PLOD1: variants seen among roughly 807,000 people sequenced by gnomAD.
PLOD1 encodes procollagen-lysine,2-oxoglutarate 5-dioxygenase 1.
In PLOD1, 70 loss-of-function variants were observed where a neutral mutation model predicts 94.7. The ratio of observed to expected loss-of-function variants is 0.74; its 90% CI spans 0.61 to 0.90. The LOEUF (loss-of-function observed/expected upper bound fraction) is 0.90. PLOD1 is among the 40% of genes least tolerant of loss of function. The probability of loss-of-function intolerance (pLI) is 0.00; values close to 1 mark genes in which losing one functional copy is unlikely to be tolerated. For synonymous variants in PLOD1, 417 were observed against 400.2 expected, an observed-to-expected ratio of 1.04 and a Z score of -0.50; for missense variants, 905 against 972.7, an observed-to-expected ratio of 0.93 and a Z score of 0.93.
chr1:11,962,591 T>C (rs1645786799), intron 10 of PLOD1, among the ~76,000 whole-genome samples: 2 of 152,120 alleles, frequency 1.3e-5, no homozygotes, highest in Non-Finnish European at 2.9e-5. Context: ...GTTTTTTTCT[T>C]GAAACAACTT....
chr1:11,964,863 T>C (rs528204183), intron 13 of PLOD1, 78 bp downstream of exon 13: 3 of 1,488,990 alleles, frequency 2.0e-6, no homozygotes, highest in South Asian at 2.3e-5. Flanking sequence ...CTGACCCTCA[T>C]GGTGGGCCGC....
In PLOD1 at chr1:11,974,658, G is replaced by A. The variant is rs183218776; in HGVS notation, c.2034G>A (p.Gly678=). The A allele has an allele frequency of 6.2e-7, 1 of 1,613,524 alleles. No individual in the cohort carries two copies. Among genetic ancestry groups the A allele is most frequent in the East Asian group, 2.2e-5 (1 of 44,880 alleles). The stretch of plus-strand genomic sequence containing the variant: ...TGATGCTTTCTGTCTCCCAGGGCGG[G>A]GGCTGTCGGTTCCTGCGCTACAACT... ...LNRVGVDYEG[G]GCRFLRYNCS... The change falls in exon 19 of 19, where the codon GGG becomes GGA. Residue 678 remains glycine (G), a synonymous_variant. Coordinates refer to ENST00000196061, the MANE Select transcript of PLOD1 (RefSeq NM_000302.4).
At chr1:11,962,589 C>T (rs1392674756) in intron 10 of PLOD1, among the ~76,000 whole-genome samples, 2 of 151,584 alleles carry the variant, frequency 1.3e-5, no homozygotes, top group African/African-American at 4.8e-5. Context: ...TTGTTTTTTT[C>T]TTGAAACAAC....
At chr1:11,955,458 A>G (rs1645731877) in intron 6 of PLOD1, among the ~76,000 whole-genome samples, 1 of 152,094 alleles carries the variant, frequency 6.6e-6, no homozygotes, top group Non-Finnish European at 1.5e-5. Flanking sequence ...AGTGAACCGG[A>G]TCCACTGATT....
At chr1:11,936,492 A>G (rs1282176198) in intron 1 of PLOD1, among the ~76,000 whole-genome samples, 1 of 151,942 alleles carries the variant, frequency 6.6e-6, no homozygotes, top group African/African-American at 2.4e-5. Flanking sequence ...TCTTTGGGTC[A>G]GGAATGGGAA....
chr1:11,958,639 C>T lies in PLOD1; in HGVS notation c.967C>T (p.His323Tyr), dbSNP rs1184271961. The T allele has an allele frequency of 6.2e-7, 1 of 1,614,106 alleles. No homozygotes were observed. The highest frequency in any genetic ancestry group is 8.5e-7 in the Non-Finnish European group (1 of 1,180,020). Residue 323 changes from histidine to tyrosine, a missense_variant, in exon 9 of 19, where the codon CAC becomes TAC. Coordinates refer to ENST00000196061, the MANE Select transcript of PLOD1 (RefSeq NM_000302.4). The surrounding 1 kb of genome is among the most constrained non-coding windows in gnomAD (Gnocchi z 4.3). ...CCAGAAACACATGCGACTTTTCATC[C>T]ACAACCACGTGAGTAACAGGCGCTC... is the stretch of plus-strand genomic sequence containing the variant. ...YPQKHMRLFI[H>Y]NHEQHHKAQV...
intron 5 of PLOD1, among the ~76,000 whole-genome samples, chr1:11,953,949 C>T (rs1318575044): frequency 6.6e-6 from 1 of 151,746 alleles, no homozygotes; most frequent in Non-Finnish European, 1.5e-5. Context: ...ACTGCAGCCT[C>T]AGCCTCCCGG....
intron 6 of PLOD1, among the ~76,000 whole-genome samples, chr1:11,955,107 C>T (rs189846231): frequency 6.6e-6 from 1 of 152,346 alleles, no homozygotes; most frequent in Non-Finnish European, 1.5e-5. Flanking sequence ...GAGCATTCAG[C>T]CTGGGAGGAG....
chr1:11,944,447 A>T, intron 1 of PLOD1: 4 of 955,272 alleles, frequency 4.2e-6, no homozygotes, highest in African/African-American at 1.7e-5. Flanking sequence ...ACACACACAC[A>T]CACACACTCA....
At chr1:11,954,226 T>A (rs935402126) in intron 5 of PLOD1, 1 of 236,716 alleles carries the variant, frequency 4.2e-6, no homozygotes, top group Non-Finnish European at 8.3e-6. Context: ...TCCCAGCACT[T>A]TGGGAGGCGG....
Position 11,972,708 on chromosome 1 carries a change from G to T in PLOD1, c.1903-164G>T. On this transcript the variant is annotated intron_variant, in intron 17 of 18. Coordinates refer to ENST00000196061, the MANE Select transcript of PLOD1 (RefSeq NM_000302.4). This position sits in a 1 kb window ranked among gnomAD's most constrained non-coding sequence, Gnocchi z 4.6. ...CATTTTTGTTGAGAACCTTTTCTGT[G>T]CCAGGTAGTTGCAGGCACTCGAGCA... is the stretch of plus-strand genomic sequence containing the variant. 1 of 597,898 alleles carries T rather than the reference G, an allele frequency of 1.7e-6. No homozygotes were observed. Among genetic ancestry groups the T allele is most frequent in the Non-Finnish European group, 3.1e-6 (1 of 321,948 alleles). 37.0% of individuals were successfully genotyped at this position (597,898 alleles called of 1,614,324 possible). A position where few individuals can be genotyped will look rare whatever the true frequency, so the allele number is the denominator to read the frequency against.
At chr1:11,961,205 G>A (rs1331194419) in intron 10 of PLOD1, among the ~76,000 whole-genome samples, 17 of 147,534 alleles carry the variant, frequency 1.2e-4, no homozygotes, top group Non-Finnish European at 2.2e-4. Flanking sequence ...GCAACATAGC[G>A]AGACCCTATC....
chr1:11,969,935 C>T (rs1197172118), intron 16 of PLOD1, among the ~76,000 whole-genome samples: 2 of 151,834 alleles, frequency 1.3e-5, no homozygotes, highest in African/African-American at 4.8e-5. Flanking sequence ...AGTGAGACCT[C>T]ATCTCTACAA....
In PLOD1 at chr1:11,972,668, T is replaced by C. The variant is rs913869457; in HGVS notation, c.1903-204T>C. The C allele has an allele frequency of 6.9e-6, 3 of 436,302 alleles. No homozygotes were observed. The Admixed American group carries it at 9.4e-5, about 14-fold the overall frequency. 27.0% of individuals were successfully genotyped at this position (436,302 alleles called of 1,614,324 possible). A position where few individuals can be genotyped will look rare whatever the true frequency, so the allele number is the denominator to read the frequency against. On this transcript the variant is annotated intron_variant, in intron 17 of 18. Transcript: ENST00000196061. The surrounding 1 kb of genome is among the most constrained non-coding windows in gnomAD (Gnocchi z 4.6). ...CTGTTCTCTTCCTTCCCTCCCTCTC[T>C]CCCCTCTGTCCATACATTTTTGTTG...
At chr1:11,955,028 C>T (rs1343450057) in intron 6 of PLOD1, 135 bp downstream of exon 6, 2 of 683,546 alleles carry the variant, frequency 2.9e-6, no homozygotes, top group Admixed American at 2.4e-5. Flanking sequence ...GGCCTCATCC[C>T]CAGGTCCCCA....
chr1:11,952,887 A>G (rs1645713142), intron 5 of PLOD1, 152 bp downstream of exon 5: 1 of 619,614 alleles, frequency 1.6e-6, no homozygotes, highest in Non-Finnish European at 2.9e-6. Context: ...GTGGCTCCCA[A>G]ACAACGGATG....
intron 2 of PLOD1, 103 bp downstream of exon 2, chr1:11,948,170 G>A: frequency 1.2e-6 from 1 of 846,006 alleles, no homozygotes; most frequent in Non-Finnish European, 2.1e-6. Context: ...TAGACTTGGG[G>A]CCACAGGGGA....
chr1:11,968,346 A>G (rs1458875337), intron 16 of PLOD1, among the ~76,000 whole-genome samples: 1 of 152,120 alleles, frequency 6.6e-6, no homozygotes, highest in East Asian at 1.9e-4. Context: ...ACAATCTTGA[A>G]TAAAAATACA....
intron 10 of PLOD1, among the ~76,000 whole-genome samples, 160 bp downstream of exon 10, chr1:11,960,927 G>C (rs986115260): frequency 1.3e-5 from 2 of 152,184 alleles, no homozygotes; most frequent in Middle Eastern, 3.4e-3. Flanking sequence ...CTGTCAAAAG[G>C]GGAAATAGCC....
Sources: gnomAD v4.1 joint callset for allele counts (sites outside exome capture counted in the v4.1 genomes callset) on GRCh38, gnomAD v4.1.1 for gene constraint, Gnocchi (gnomAD v3.1) non-coding constraint, MANE v1.5 for transcripts, NCBI Gene and HGNC (gene_info 2026-07-23, HGNC 2026-07-21) for gene names.